Variants in PPP1R14A observed in about 807,000 individuals in gnomAD.
PPP1R14A encodes the protein protein phosphatase 1 regulatory subunit 14A.
Under a neutral mutation model 14.1 loss-of-function variants are expected in PPP1R14A, and 9 were observed. The ratio of observed to expected loss-of-function variants is 0.64; its 90% CI spans 0.38 to 1.11. The LOEUF is 1.11. Among genes scored for constraint, PPP1R14A ranks in the 50% most tolerant of loss-of-function variants. PPP1R14A has a pLI of 0.01. For synonymous variants in PPP1R14A, 93 were observed against 88.7 expected, an observed-to-expected ratio of 1.05 and a Z score of -0.27; for missense variants, 208 against 200.7, an observed-to-expected ratio of 1.04 and a Z score of -0.22.
intron 1 of PPP1R14A, among the ~76,000 whole-genome samples, chr19:38,253,893 G>C (rs573222688): frequency 2.6e-5 from 4 of 152,222 alleles, no homozygotes; most frequent in Non-Finnish European, 4.4e-5. Flanking sequence ...CAGTGGCTTC[G>C]TATAGTGGAC....
In PPP1R14A at chr19:38,251,349, AGGGGGCT is replaced by A. The variant is rs762445979; in HGVS notation, c.406_412del (p.Pro137ArgfsTer31). 1.3e-6 allele frequency: 2 copies of A among 1,537,484 alleles called. 1 individual carries two copies. The highest frequency in any genetic ancestry group is 2.5e-5 in the South Asian group (2 of 79,830). On this transcript the variant is annotated frameshift_variant, in exon 4 of 4. Transcript: ENST00000301242. LOFTEE classifies it high-confidence loss of function. ...GTGAGCAGTCCGGGCCCGGTCCTGG[AGGGGGCT>A]GAGGCTGCCGTCGTGGGAGGGGCTT...
chr19:38,251,326 G>C lies in PPP1R14A; in HGVS notation c.436C>G (p.His146Asp). The change falls in exon 4 of 4, where the codon CAC becomes GAC. Residue 146 changes from histidine to aspartate, a missense_variant. Coordinates refer to ENST00000301242, the MANE Select transcript of PPP1R14A (RefSeq NM_033256.3). Reference sequence around the variant, plus strand: ...GGGAGAGTGCAAGAGGGTCAGGGGTGAGCAGTCCGGGCCCGGTCCTGGAGG... The same window carrying C: ...GGGAGAGTGCAAGAGGGTCAGGGGTCAGCAGTCCGGGCCCGGTCCTGGAGG... Reference protein sequence around the residue: ...SPLQDRARTAHP With the variant: ...SPLQDRARTADP 1 of 1,503,806 alleles carries C rather than the reference G, an allele frequency of 6.6e-7. No homozygotes were observed. Among genetic ancestry groups the C allele is most frequent in the Non-Finnish European group, 8.8e-7 (1 of 1,140,040 alleles). The allele number at this position is 1,503,806 out of a possible 1,614,324, so 93.2% of individuals were successfully genotyped here. A position where few individuals can be genotyped will look rare whatever the true frequency, so the allele number is the denominator to read the frequency against.
intron 3 of PPP1R14A, among the ~76,000 whole-genome samples, 160 bp from the exon 4 acceptor site, chr19:38,251,606 C>T (rs1403680603): frequency 6.6e-5 from 10 of 150,944 alleles, no homozygotes; most frequent in East Asian, 5.9e-4. Context: ...AAAAGTGAGC[C>T]GGGAGAAAGA....
Position 38,252,209 on chromosome 19 carries a change from T to G in PPP1R14A, c.315+97A>C. 8.2e-7 allele frequency: 1 copy of G among 1,222,926 alleles called. No homozygotes were observed. Among genetic ancestry groups the G allele is most frequent in the South Asian group, 1.3e-5 (1 of 77,106 alleles). The allele number at this position is 1,222,926 out of a possible 1,614,324, so 75.8% of individuals were successfully genotyped here. On this transcript the variant is annotated intron_variant, in intron 3 of 3. Transcript: ENST00000301242. The surrounding 1 kb of genome is among the most constrained non-coding windows in gnomAD (Gnocchi z 4.1). ...TGGGGCCGGGGGTGGTGGGGCCGGG[T>G]GGTGTTCCCCAGAGACCCTTCTGCC... is the stretch of plus-strand genomic sequence containing the variant.
At chr19:38,251,598 A>G (rs1334938405) in intron 3 of PPP1R14A, 152 bp from the exon 4 acceptor site, 8 of 551,096 alleles carry the variant, frequency 1.5e-5, no homozygotes, top group East Asian at 3.5e-5. Flanking sequence ...ATAGAGAGAA[A>G]AGTGAGCCGG....
Position 38,252,021 on chromosome 19 carries a change from C to G in PPP1R14A, c.315+285G>C, listed in dbSNP as rs1197382772. 1.9e-6 allele frequency: 1 copy of G among 517,240 alleles called. No individual in the cohort carries two copies. Among genetic ancestry groups the G allele is most frequent in the East Asian group, 3.2e-5 (1 of 31,440 alleles). The allele number at this position is 517,240 out of a possible 1,614,324, so 32.0% of individuals were successfully genotyped here. On this transcript the variant is annotated intron_variant, in intron 3 of 3. Coordinates refer to ENST00000301242, the MANE Select transcript of PPP1R14A (RefSeq NM_033256.3). This position sits in a 1 kb window ranked among gnomAD's most constrained non-coding sequence, Gnocchi z 4.1. ...CAGGGGAGGACAGAGGGAGACTGAG[C>G]CCGAAGGCTGGTGGCCAAAGGACAG...
chr19:38,253,636 G>A (rs1968215456), intron 1 of PPP1R14A, among the ~76,000 whole-genome samples: 1 of 152,230 alleles, frequency 6.6e-6, no homozygotes, highest in South Asian at 2.1e-4. Flanking sequence ...TACCCCTGCT[G>A]GGAATAGGAC....
At chr19:38,251,824 G>A (rs1968194056) in intron 3 of PPP1R14A, 2 of 349,172 alleles carry the variant, frequency 5.7e-6, no homozygotes, top group East Asian at 5.2e-5. Flanking sequence ...GATCCAGGGC[G>A]AACAGAAATG....
At position 38,252,193 on chromosome 19, in the gene PPP1R14A, G is replaced by C. The variant is rs1033697458; in HGVS notation, c.315+113C>G. ...GCTGCGGAGGGCAGGTTGGGGCCGG[G>C]GGTGGTGGGGCCGGGTGGTGTTCCC... On this transcript the variant is annotated intron_variant, in intron 3 of 3. Coordinates refer to ENST00000301242, the MANE Select transcript of PPP1R14A (RefSeq NM_033256.3). This position sits in a 1 kb window ranked among gnomAD's most constrained non-coding sequence, Gnocchi z 4.1. 11 of 1,007,142 alleles carry C rather than the reference G, an allele frequency of 1.1e-5. No homozygotes were observed. The highest frequency in any genetic ancestry group is 1.4e-5 in the Non-Finnish European group (9 of 659,274). The allele number at this position is 1,007,142 out of a possible 1,614,324, so 62.4% of individuals were successfully genotyped here.
chr19:38,251,537 T>G, intron 3 of PPP1R14A, 91 bp from the exon 4 acceptor site: 3 of 1,142,510 alleles, frequency 2.6e-6, no homozygotes, highest in Non-Finnish European at 1.2e-6. Context: ...GGGCGCCTCC[T>G]CCTGTTCTCT....
In PPP1R14A at chr19:38,252,839, A is replaced by C; in HGVS notation, c.282+55T>G. 1 of 1,266,514 alleles carries C rather than the reference A, an allele frequency of 7.9e-7. No homozygotes were observed. The highest frequency in any genetic ancestry group is 1.2e-5 in the South Asian group (1 of 84,032). The allele number at this position is 1,266,514 out of a possible 1,614,324, so 78.5% of individuals were successfully genotyped here. On this transcript the variant is annotated intron_variant, in intron 2 of 3. Transcript: ENST00000301242. The surrounding 1 kb of genome is among the most constrained non-coding windows in gnomAD (Gnocchi z 4.1). Reference sequence around the variant, plus strand: ...CTCAGTAAACACGTGAACTATTGCTATTATTTTTAGGGAGGTGCAAAGTGG... The same window carrying C: ...CTCAGTAAACACGTGAACTATTGCTCTTATTTTTAGGGAGGTGCAAAGTGG...
Position 38,252,215 on chromosome 19 carries a change from T to C in PPP1R14A, c.315+91A>G, listed in dbSNP as rs567485140. The C allele has an allele frequency of 1.7e-5, 23 of 1,321,148 alleles. No individual in the cohort carries two copies. In the Admixed American group the frequency reaches 3.9e-4, roughly 22 times the overall value. 81.8% of individuals were successfully genotyped at this position (1,321,148 alleles called of 1,614,324 possible). A position where few individuals can be genotyped will look rare whatever the true frequency, so the allele number is the denominator to read the frequency against. On this transcript the variant is annotated intron_variant, in intron 3 of 3. Transcript: ENST00000301242. This position sits in a 1 kb window ranked among gnomAD's most constrained non-coding sequence, Gnocchi z 4.1. ...CGGGGGTGGTGGGGCCGGGTGGTGT[T>C]CCCCAGAGACCCTTCTGCCAGCTTC...
chr19:38,251,539 C>T (rs1353096876), intron 3 of PPP1R14A, 93 bp from the exon 4 acceptor site: 37 of 1,138,490 alleles, frequency 3.2e-5, no homozygotes, highest in Non-Finnish European at 4.3e-5. Context: ...GCGCCTCCTC[C>T]TGTTCTCTGA....
chr19:38,255,398 G>C (rs1374875106), intron 1 of PPP1R14A, among the ~76,000 whole-genome samples: 1 of 152,222 alleles, frequency 6.6e-6, no homozygotes, highest in Admixed American at 6.5e-5. Flanking sequence ...CAAAATGCGT[G>C]AGCCACTGTG....
chr19:38,251,834 GC>G (rs1968194220), intron 3 of PPP1R14A: 1 of 342,612 alleles, frequency 2.9e-6, no homozygotes, highest in Non-Finnish European at 5.3e-6. Flanking sequence ...GAACAGAAAT[GC>G]AATGACGTTT....
chr19:38,255,027 G>A (rs558253953), intron 1 of PPP1R14A, among the ~76,000 whole-genome samples: 2 of 152,078 alleles, frequency 1.3e-5, no homozygotes, highest in South Asian at 2.1e-4. Context: ...CAGGTGATCC[G>A]CCCGCCTCGG....
chr19:38,251,764 T>C, intron 3 of PPP1R14A: 3 of 389,298 alleles, frequency 7.7e-6, no homozygotes, highest in South Asian at 5.7e-5. Flanking sequence ...GAGAGAGACA[T>C]AAGGACAGAG....
In PPP1R14A at chr19:38,252,819, T is replaced by C. The variant is rs1968204362; in HGVS notation, c.282+75A>G. ...TGCCCGGCATCTAGTGAGCACTCAG[T>C]AAACACGTGAACTATTGCTATTATT... On this transcript the variant is annotated intron_variant, in intron 2 of 3. Transcript: ENST00000301242. The surrounding 1 kb of genome is among the most constrained non-coding windows in gnomAD (Gnocchi z 4.1). 7 of 1,095,212 alleles carry C rather than the reference T, an allele frequency of 6.4e-6. No individual in the cohort carries two copies. The Admixed American group carries it at 1.2e-4, about 18-fold the overall frequency. The allele number at this position is 1,095,212 out of a possible 1,614,324, so 67.8% of individuals were successfully genotyped here.
chr19:38,252,826 G>A lies in PPP1R14A; in HGVS notation c.282+68C>T, dbSNP rs143769390. 1.5e-3 allele frequency: 1,718 copies of A among 1,146,104 alleles called. 9 individuals carry two copies. Among genetic ancestry groups the A allele is most frequent in the African/African-American group, 0.014 (949 of 65,846 alleles). 71.0% of individuals were successfully genotyped at this position (1,146,104 alleles called of 1,614,324 possible). ...CATCTAGTGAGCACTCAGTAAACAC[G>A]TGAACTATTGCTATTATTTTTAGGG... On this transcript the variant is annotated intron_variant, in intron 2 of 3. Transcript: ENST00000301242. The surrounding 1 kb of genome is among the most constrained non-coding windows in gnomAD (Gnocchi z 4.1).
Sources: gnomAD v4.1 joint callset for allele counts (sites outside exome capture counted in the v4.1 genomes callset) on GRCh38, gnomAD v4.1.1 for gene constraint, Gnocchi (gnomAD v3.1) non-coding constraint, MANE v1.5 for transcripts, NCBI Gene and HGNC (gene_info 2026-07-23, HGNC 2026-07-21) for gene names.